Variants in PDE1C observed in about 807,000 individuals in gnomAD.
PDE1C encodes the protein dual specificity calcium/calmodulin-dependent 3',5'-cyclic nucleotide phosphodiesterase 1C.
A neutral mutation model predicts 93.1 loss-of-function variants in PDE1C; 62 were observed. The ratio of observed to expected loss-of-function variants is 0.67; its 90% CI spans 0.54 to 0.82. PDE1C has a LOEUF of 0.82. PDE1C is among the 40% of genes least tolerant of loss of function. The pLI, the probability that PDE1C is intolerant of heterozygous loss-of-function variation, is 0.00. For synonymous variants in PDE1C, 325 were observed against 310.1 expected (o/e 1.05, Z -0.50); for missense variants, 742 against 884.6 (o/e 0.84, Z 2.04).
At chr7:31,618,985 T>C in the PDE1C span, among the ~76,000 whole-genome samples, 1 of 152,224 alleles carries the variant, frequency 6.6e-6, no homozygotes, top group Non-Finnish European at 1.5e-5. Context: ...GTGGAAGACC[T>C]GATTCTTCAT....
At chr7:31,878,370 C>T (rs183944114) in intron 4 of PDE1C, among the ~76,000 whole-genome samples, 1 of 152,106 alleles carries the variant, frequency 6.6e-6, no homozygotes, top group Non-Finnish European at 1.5e-5. Flanking sequence ...GTAATTTAGC[C>T]TGAATGAAGA....
exon 2 of PDE1C, chr7:32,209,489 G>A (rs761707049): frequency 2.7e-5 from 43 of 1,571,596 alleles, no homozygotes; most frequent in African/African-American, 4.1e-5. Flanking sequence ...ATTTACTCAC[G>A]AGAGAAGCGG....
intron 1 of PDE1C, among the ~76,000 whole-genome samples, chr7:32,420,239 ATGTG>A (rs1194613397): frequency 0.018 from 787 of 43,544 alleles, 260 homozygotes; most frequent in Non-Finnish European, 0.031. Flanking sequence ...ATGTATATAT[ATGTG>A]TATATATATA....
chr7:31,775,050 C>G (rs1017708902), intron 17 of PDE1C, among the ~76,000 whole-genome samples: 1 of 152,042 alleles, frequency 6.6e-6, no homozygotes, highest in Non-Finnish European at 1.5e-5. Flanking sequence ...AATAAGTGCC[C>G]CTTATATTAA....
At chr7:32,105,701 C>CT (rs11313586) in intron 3 of PDE1C, among the ~76,000 whole-genome samples, 18,308 of 133,918 alleles carry the variant, frequency 0.14, 2,017 homozygotes, top group East Asian at 0.36. Context: ...CCACATCTGA[C>CT]TTTTTTTTTT....
At chr7:32,045,874 T>C (rs1792487328) in intron 2 of PDE1C, among the ~76,000 whole-genome samples, 1 of 152,158 alleles carries the variant, frequency 6.6e-6, no homozygotes, top group Admixed American at 6.5e-5. Flanking sequence ...TGTGACAATC[T>C]ATTATTACCA....
intron 2 of PDE1C, among the ~76,000 whole-genome samples, chr7:31,959,407 C>A (rs1335911803): frequency 6.6e-6 from 1 of 151,994 alleles, no homozygotes; most frequent in Non-Finnish European, 1.5e-5. Context: ...AGAGAAAAGG[C>A]TTCACTATGA....
intron 2 of PDE1C, among the ~76,000 whole-genome samples, chr7:31,954,406 A>G (rs1807842168): frequency 1.3e-5 from 2 of 152,210 alleles, no homozygotes; most frequent in African/African-American, 2.4e-5. Flanking sequence ...GTAAACATCA[A>G]TAATGCTAAG....
At chr7:31,697,105 C>T in the PDE1C span, 3 of 1,613,888 alleles carry the variant, frequency 1.9e-6, no homozygotes, top group Non-Finnish European at 2.5e-6. Context: ...GCACATGTCC[C>T]CCTTTGCAGC....
intron 1 of PDE1C, among the ~76,000 whole-genome samples, chr7:32,337,101 C>T (rs1332398983): frequency 6.6e-6 from 1 of 152,096 alleles, no homozygotes; most frequent in African/African-American, 2.4e-5. Flanking sequence ...GTATTCATAA[C>T]CTCTTGCCTA....
chr7:31,910,863 C>A (rs1293485723), intron 2 of PDE1C, among the ~76,000 whole-genome samples: 1 of 152,142 alleles, frequency 6.6e-6, no homozygotes, highest in Non-Finnish European at 1.5e-5. Context: ...CACGTAAACA[C>A]CAGAAGAGTG....
At chr7:31,926,562 G>A (rs1329450037) in intron 2 of PDE1C, among the ~76,000 whole-genome samples, 1 of 152,208 alleles carries the variant, frequency 6.6e-6, no homozygotes, top group Non-Finnish European at 1.5e-5. Context: ...GAAGGTGGGT[G>A]ATTCCTGCAT....
At chr7:32,299,448 C>T, upstream of PDE1C, 1 of 980,992 alleles carries the variant, frequency 1.0e-6, no homozygotes, top group African/African-American at 1.7e-5. Flanking sequence ...TCACCGGAGG[C>T]TCTATGATGT....
chr7:31,704,372 A>G, the PDE1C span, among the ~76,000 whole-genome samples: 1 of 152,192 alleles, frequency 6.6e-6, no homozygotes, highest in Non-Finnish European at 1.5e-5. Flanking sequence ...AGCTTGCTTC[A>G]AAGCTGATTG....
intron 2 of PDE1C, among the ~76,000 whole-genome samples, chr7:32,009,952 T>C (rs1307979545): frequency 6.6e-6 from 1 of 152,194 alleles, no homozygotes; most frequent in Non-Finnish European, 1.5e-5. Flanking sequence ...AAATCTGAAA[T>C]GCTAATAAAT....
intron 2 of PDE1C, among the ~76,000 whole-genome samples, chr7:31,939,465 G>A (rs1805534865): frequency 6.6e-6 from 1 of 152,026 alleles, no homozygotes; most frequent in Admixed American, 6.6e-5. Flanking sequence ...AAGTCTGGGA[G>A]GGTCACTATA....
chr7:32,418,612 A>G (rs1785324337), intron 1 of PDE1C, among the ~76,000 whole-genome samples: 1 of 152,190 alleles, frequency 6.6e-6, no homozygotes, highest in Non-Finnish European at 1.5e-5. Flanking sequence ...ATTAAGATTC[A>G]CTTTTTCCTT....
intron 1 of PDE1C, among the ~76,000 whole-genome samples, chr7:32,389,443 C>T (rs1350124915): frequency 2.0e-5 from 3 of 152,208 alleles, no homozygotes; most frequent in Non-Finnish European, 4.4e-5. Context: ...TTTCGAACTC[C>T]TGACCTCAGG....
chr7:31,628,462 T>C, the PDE1C span, among the ~76,000 whole-genome samples: 3 of 145,312 alleles, frequency 2.1e-5, no homozygotes, highest in African/African-American at 8.1e-5. Context: ...TTTTTTTTTC[T>C]TTTTTTTTCT....
Sources: gnomAD v4.1 joint callset for allele counts (sites outside exome capture counted in the v4.1 genomes callset) on GRCh38, gnomAD v4.1.1 for gene constraint, MANE v1.5 for transcripts, NCBI Gene and HGNC (gene_info 2026-07-23, HGNC 2026-07-21) for gene names.